The following USH2A variants were observed in gnomAD, a reference collection of about 807,000 sequenced individuals.
The protein encoded by USH2A is usherin, also known as Usher syndrome 2A (autosomal recessive, mild).
A neutral mutation model predicts 538.9 loss-of-function variants in USH2A; 443 were observed. The ratio of observed to expected loss-of-function variants is 0.82; its 90% CI spans 0.76 to 0.89. USH2A has a LOEUF of 0.89. Ranked by LOEUF, USH2A falls within the 40% of genes least tolerant of loss-of-function variation. USH2A has a pLI of 0.00. For missense variants in USH2A, 6,633 were observed against 6,324.8 expected, an observed-to-expected ratio of 1.05 and a Z score of -1.65; for synonymous variants, 2,413 against 2,273.5, an observed-to-expected ratio of 1.06 and a Z score of -1.75.
At chr1:216,248,456 ATTAATC>A (rs1177150858) in intron 12 of USH2A, among the ~76,000 whole-genome samples, 1 of 152,022 alleles carries the variant, frequency 6.6e-6, no homozygotes, top group Non-Finnish European at 1.5e-5. Flanking sequence ...CAATTTAAAA[ATTAATC>A]TTAAAATAAG....
chr1:216,362,927 G>A (rs1391364010), intron 4 of USH2A, among the ~76,000 whole-genome samples: 6 of 148,770 alleles, frequency 4.0e-5, no homozygotes, highest in Admixed American at 6.7e-5. Flanking sequence ...CGACAAGAGC[G>A]AAACTCCCTG....
intron 37 of USH2A, 49 bp downstream of exon 37, chr1:215,965,268 G>T (rs1181451520): frequency 6.5e-7 from 1 of 1,549,590 alleles, no homozygotes; most frequent in Non-Finnish European, 8.8e-7. Flanking sequence ...AAATAAAAAT[G>T]AGTTGTTTTC....
chr1:215,759,640 A>T lies in USH2A; in HGVS notation c.11231+20T>A, dbSNP rs759456478. 3 of 1,613,642 alleles carry T rather than the reference A, an allele frequency of 1.9e-6. No individual in the cohort carries two copies. The highest frequency in any genetic ancestry group is 2.5e-6 in the Non-Finnish European group (3 of 1,179,628). On this transcript the variant is annotated intron_variant, in intron 57 of 71. Transcript: ENST00000307340. Reference sequence around the variant, plus strand: ...GTACAAATCCTGCTGTATGATTGGTAAAGTTTTCTTTTAGTTTACCTGCTA... The same window carrying T: ...GTACAAATCCTGCTGTATGATTGGTTAAGTTTTCTTTTAGTTTACCTGCTA...
intron 9 of USH2A, among the ~76,000 whole-genome samples, chr1:216,296,586 C>T (rs1265400367): frequency 1.3e-5 from 2 of 151,964 alleles, no homozygotes; most frequent in Non-Finnish European, 2.9e-5. Flanking sequence ...GAAAGTTGTT[C>T]TTGAGGGAAT....
intron 21 of USH2A, among the ~76,000 whole-genome samples, chr1:216,165,993 A>C (rs1171960747): frequency 6.6e-6 from 1 of 152,018 alleles, no homozygotes; most frequent in Non-Finnish European, 1.5e-5. Context: ...CCCAAAGTCC[A>C]TTGTATCATC....
intron 4 of USH2A, among the ~76,000 whole-genome samples, chr1:216,355,481 T>A (rs2038377030): frequency 6.6e-6 from 1 of 151,954 alleles, no homozygotes; most frequent in African/African-American, 2.4e-5. Context: ...ATCTTTAAAG[T>A]TCTAAAAGAA....
chr1:215,741,231 C>G (rs1336300153), intron 60 of USH2A, 144 bp downstream of exon 60: 2 of 1,027,912 alleles, frequency 1.9e-6, no homozygotes, highest in Non-Finnish European at 2.8e-6. Context: ...AACAAACAAA[C>G]AAACATACAA....
intron 41 of USH2A, among the ~76,000 whole-genome samples, chr1:215,887,903 G>A (rs1665105792): frequency 6.6e-6 from 1 of 152,184 alleles, no homozygotes; most frequent in African/African-American, 2.4e-5. Context: ...AAGTTTGTAT[G>A]CCAGCCAAAA....
chr1:215,779,641 G>A (rs1371993293), intron 55 of USH2A, among the ~76,000 whole-genome samples: 1 of 152,120 alleles, frequency 6.6e-6, no homozygotes, highest in African/African-American at 2.4e-5. Flanking sequence ...AATTATTTCT[G>A]AAGTTATCTG....
chr1:216,091,461 C>T lies in USH2A; in HGVS notation c.4759-2322G>A, dbSNP rs1365646393. Among the ~76,000 whole-genome samples the T allele has an allele frequency of 2.0e-5, 3 of 152,066 alleles. No individual in the cohort carries two copies. The East Asian group carries it at 5.8e-4, about 29-fold the overall frequency. On this transcript the variant is annotated intron_variant, in intron 22 of 71. Coordinates refer to ENST00000307340, the MANE Select transcript of USH2A (RefSeq NM_206933.4). Reference sequence around the variant, plus strand: ...AAATTGTTGGAGATAACAATAAAAACTGTAATTAAAAGTTGCAGTTAACTT... The same window carrying T: ...AAATTGTTGGAGATAACAATAAAAATTGTAATTAAAAGTTGCAGTTAACTT...
At chr1:215,661,741 T>C (rs1657443402) in intron 64 of USH2A, among the ~76,000 whole-genome samples, 1 of 152,114 alleles carries the variant, frequency 6.6e-6, no homozygotes, top group African/African-American at 2.4e-5. Context: ...CATGTCTCTG[T>C]GGAATGATTT....
intron 47 of USH2A, among the ~76,000 whole-genome samples, chr1:215,837,359 G>C (rs1234334779): frequency 6.6e-6 from 1 of 152,030 alleles, no homozygotes; most frequent in East Asian, 1.9e-4. Context: ...TCTTTTCCCA[G>C]CCTCAACTTG....
In USH2A at chr1:215,639,217, C is replaced by T; in HGVS notation, c.14990G>A (p.Cys4997Tyr). The part of the protein sequence containing the change: ...ADKTFFFQVI[C>Y]TTDEGSVKTP... ...CTTAACACTTCCTTCGTCAGTCGTG[C>T]AGATGACCTGGAAAAAGAAGGCTAG... The change falls in exon 69 of 72, where the codon TGC (cysteine) becomes TAC (tyrosine). Residue 4997 changes from cysteine (C) to tyrosine (Y), a missense_variant. Transcript: ENST00000307340. 1 of 1,614,116 alleles carries T rather than the reference C, an allele frequency of 6.2e-7. No homozygotes were observed. The highest frequency in any genetic ancestry group is 8.5e-7 in the Non-Finnish European group (1 of 1,180,026).
chr1:216,299,270 T>TA lies in USH2A; in HGVS notation c.1645-6901dup, dbSNP rs895651774. ...GAGTGGTTTAAGATGTTCCAATTCC[T>TA]AAAAAAAAAAAGGCTAACATTTATA... is the stretch of plus-strand genomic sequence containing the variant. On this transcript the variant is annotated intron_variant, in intron 9 of 71. Coordinates refer to ENST00000307340, the MANE Select transcript of USH2A (RefSeq NM_206933.4). Among the ~76,000 whole-genome samples the TA allele has an allele frequency of 6.5e-3, 911 of 140,614 alleles. 3 individuals are homozygous for TA. Among genetic ancestry groups the TA allele is most frequent in the Admixed American group, 0.013 (182 of 13,956 alleles). The allele number at this position is 140,614 out of a possible 152,430, so 92.2% of individuals were successfully genotyped here. A position where few individuals can be genotyped will look rare whatever the true frequency, so the allele number is the denominator to read the frequency against.
At position 215,811,133 on chromosome 1, in the gene USH2A, T is replaced by C. The variant is rs78923368; in HGVS notation, c.9739+2603A>G. Among the ~76,000 whole-genome samples, 818 of 152,360 alleles carry C rather than the reference T, an allele frequency of 5.4e-3. 6 individuals are homozygous for C. Among genetic ancestry groups the C allele is most frequent in the African/African-American group, 0.018 (757 of 41,590 alleles). ...CTTGCTTCTAGCCTACAAGCTACCC[T>C]GTCCATTCCTGGGCATAGGCCAAGA... On this transcript the variant is annotated intron_variant, in intron 49 of 71. Transcript: ENST00000307340.
At chr1:216,212,082 T>C (rs2035253178) in intron 15 of USH2A, among the ~76,000 whole-genome samples, 1 of 152,294 alleles carries the variant, frequency 6.6e-6, no homozygotes, top group Non-Finnish European at 1.5e-5. Context: ...CAAAATGCTT[T>C]GGGGATGAAT....
chr1:215,926,614 C>CTTTTTTTTTTTTTTTTTTT (rs10673615), intron 38 of USH2A, among the ~76,000 whole-genome samples: 1 of 75,846 alleles, frequency 1.3e-5, no homozygotes. Flanking sequence ...ACCTACCTAT[C>CTTTTTTTTTTTTTTTTTTT]TTTTTTTTTT....
intron 61 of USH2A, among the ~76,000 whole-genome samples, chr1:215,690,138 T>C (rs1266867573): frequency 6.6e-6 from 1 of 152,226 alleles, no homozygotes; most frequent in African/African-American, 2.4e-5. Context: ...CATTCTCCTC[T>C]ACTCCAATCT....
chr1:216,176,724 C>T (rs1430668545), intron 20 of USH2A, among the ~76,000 whole-genome samples: 3 of 152,100 alleles, frequency 2.0e-5, no homozygotes, highest in Non-Finnish European at 2.9e-5. Flanking sequence ...TCTCTCCTTC[C>T]CCCCAACCCC....
Sources: allele counts gnomAD v4.1 joint callset (sites outside exome capture counted in the v4.1 genomes callset), GRCh38; gene constraint gnomAD v4.1.1; transcripts MANE v1.5; gene names NCBI Gene and HGNC (gene_info 2026-07-23, HGNC 2026-07-21).